Variants in GRAMD1B observed in about 807,000 individuals in gnomAD.
GRAMD1B encodes the protein protein Aster-B.
Under a neutral mutation model 99.7 loss-of-function variants are expected in GRAMD1B, and 37 were observed. That is an observed-to-expected ratio of 0.37 (90% confidence interval 0.29 to 0.49). GRAMD1B has a LOEUF of 0.49. GRAMD1B is among the 20% of genes least tolerant of loss of function. The pLI is 0.98. For synonymous variants in GRAMD1B, 427 were observed against 387.6 expected (o/e 1.10, Z -1.19); for missense variants, 888 against 1,009.2 (o/e 0.88, Z 1.63).
At chr11:123,603,389 G>T in intron 8 of GRAMD1B, 37 bp from the exon 9 acceptor site, 6 of 1,309,196 alleles carry the variant, frequency 4.6e-6, no homozygotes, top group Non-Finnish European at 6.6e-6. Flanking sequence ...GGGGACCTGA[G>T]GGAGCAAGGC....
rs1013744909 is a variant in GRAMD1B, at chr11:123,494,621, CCTT to C, written c.452+13735_452+13737del. Among the ~76,000 whole-genome samples the C allele has an allele frequency of 2.5e-4, 38 of 152,266 alleles. 2 individuals carry two copies. The highest frequency in any genetic ancestry group is 8.9e-4 in the African/African-American group (37 of 41,540). Reference sequence around the variant, plus strand: ...CCTGCTCTGTTTCTCCTACTCTAGCCCTTCTTCTTTGTGCCTGAGAAAGGGGGG... The same window carrying C: ...CCTGCTCTGTTTCTCCTACTCTAGCCCTTCTTTGTGCCTGAGAAAGGGGGG... On this transcript the variant is annotated intron_variant, in intron 2 of 19. Coordinates refer to ENST00000635736, the MANE Select transcript of GRAMD1B (RefSeq NM_001387025.1).
chr11:123,365,875 CT>C (rs964999192), intron 1 of GRAMD1B, among the ~76,000 whole-genome samples: 3 of 151,992 alleles, frequency 2.0e-5, no homozygotes, highest in African/African-American at 4.8e-5. Flanking sequence ...GATCTCCCTC[CT>C]TTTTTTTGTA....
intron 3 of GRAMD1B, among the ~76,000 whole-genome samples, chr11:123,583,063 T>A (rs948744223): frequency 2.0e-5 from 3 of 151,900 alleles, no homozygotes; most frequent in Non-Finnish European, 4.4e-5. Context: ...TGTCTCTGTA[T>A]ATGTGTGTGT....
intron 1 of GRAMD1B, among the ~76,000 whole-genome samples, chr11:123,439,066 G>A (rs1379672846): frequency 6.6e-6 from 1 of 152,216 alleles, no homozygotes; most frequent in Non-Finnish European, 1.5e-5. Flanking sequence ...ATATCAGTGT[G>A]TGACTTGCCA....
chr11:123,424,482 A>G (rs1228527031), intron 1 of GRAMD1B, among the ~76,000 whole-genome samples: 8 of 151,956 alleles, frequency 5.3e-5, no homozygotes, highest in African/African-American at 1.9e-4. Context: ...AAAACAAACA[A>G]CCAACCAAAA....
At chr11:123,483,733 G>C (rs1181350932) in intron 2 of GRAMD1B, among the ~76,000 whole-genome samples, 2 of 152,032 alleles carry the variant, frequency 1.3e-5, no homozygotes, top group Non-Finnish European at 2.9e-5. Context: ...CGCAGATAAG[G>C]GGGGACTGCT....
intron 1 of GRAMD1B, among the ~76,000 whole-genome samples, chr11:123,386,739 A>G (rs1046502103): frequency 1.3e-5 from 2 of 152,180 alleles, no homozygotes; most frequent in Non-Finnish European, 2.9e-5. Flanking sequence ...ATGAGCCACC[A>G]TGCCCAGCCT....
At chr11:123,542,109 A>C (rs1200259585) in intron 2 of GRAMD1B, among the ~76,000 whole-genome samples, 1 of 152,168 alleles carries the variant, frequency 6.6e-6, no homozygotes, top group Non-Finnish European at 1.5e-5. Flanking sequence ...ATTTCCTAGT[A>C]CCTGTCCTTA....
intron 1 of GRAMD1B, among the ~76,000 whole-genome samples, chr11:123,422,212 C>T (rs750926202): frequency 1.8e-4 from 27 of 152,060 alleles, no homozygotes; most frequent in African/African-American, 2.9e-4. Flanking sequence ...AGTTCTGGGG[C>T]GCAGTGCAGC....
chr11:123,457,692 G>A (rs1227450580), intron 1 of GRAMD1B, among the ~76,000 whole-genome samples: 3 of 152,150 alleles, frequency 2.0e-5, no homozygotes, highest in Admixed American at 6.5e-5. Context: ...ACTGTGCTCC[G>A]TGCTCTATTT....
intron 2 of GRAMD1B, among the ~76,000 whole-genome samples, chr11:123,482,669 C>T (rs895857260): frequency 6.6e-6 from 1 of 152,118 alleles, no homozygotes; most frequent in African/African-American, 2.4e-5. Flanking sequence ...ACTAGTATGA[C>T]CATATTTCGT....
intron 2 of GRAMD1B, among the ~76,000 whole-genome samples, chr11:123,491,352 C>T (rs150570769): frequency 2.6e-5 from 4 of 152,200 alleles, no homozygotes; most frequent in Admixed American, 2.0e-4. Context: ...AGTCTGGCTC[C>T]GTCTACCTGC....
chr11:123,541,636 C>A (rs895928237), intron 2 of GRAMD1B, among the ~76,000 whole-genome samples: 1 of 150,396 alleles, frequency 6.6e-6, no homozygotes, highest in African/African-American at 2.5e-5. Context: ...TTTGGTAATA[C>A]ATGTTGCAAG....
At chr11:123,375,297 CCTGTT>C (rs1946655360) in intron 1 of GRAMD1B, among the ~76,000 whole-genome samples, 1 of 152,140 alleles carries the variant, frequency 6.6e-6, no homozygotes. Context: ...GTGGCTCACA[CCTGTT>C]AATCCCAGCT....
chr11:123,375,400 TA>T lies in GRAMD1B; in HGVS notation c.-176+16611del, dbSNP rs879389466. On this transcript the variant is annotated intron_variant, in intron 1 of 20. Transcript: ENST00000638157. Reference sequence around the variant, plus strand: ...ATAGCAACATCTGGTTTCTATTAAATAAAAAAAAAAGAGAGAGAGACAAGCA... The same window carrying T: ...ATAGCAACATCTGGTTTCTATTAAATAAAAAAAAAGAGAGAGAGACAAGCA... Among the ~76,000 whole-genome samples the T allele has an allele frequency of 8.9e-3, 1,306 of 146,974 alleles. 29 individuals carry two copies. The highest frequency in any genetic ancestry group is 0.031 in the African/African-American group (1,238 of 40,202).
intron 2 of GRAMD1B, among the ~76,000 whole-genome samples, chr11:123,494,853 G>C (rs552523102): frequency 6.6e-6 from 1 of 152,122 alleles, no homozygotes; most frequent in Admixed American, 6.6e-5. Context: ...CAGAGAGTCC[G>C]ATCTTAGGCT....
At chr11:123,535,612 G>A (rs889103762) in intron 2 of GRAMD1B, among the ~76,000 whole-genome samples, 4 of 152,176 alleles carry the variant, frequency 2.6e-5, no homozygotes, top group Non-Finnish European at 5.9e-5. Context: ...AGTGAGCCAT[G>A]GTGGATGTCA....
At chr11:123,437,336 A>G (rs7112042) in intron 1 of GRAMD1B, among the ~76,000 whole-genome samples, 2,571 of 152,270 alleles carry the variant, frequency 0.017, 89 homozygotes, top group African/African-American at 0.06. Context: ...CTGAATTGCT[A>G]GGTTCAGAAA....
At chr11:123,442,718 C>G (rs528537314) in intron 1 of GRAMD1B, among the ~76,000 whole-genome samples, 2 of 151,902 alleles carry the variant, frequency 1.3e-5, no homozygotes, top group Non-Finnish European at 2.9e-5. Flanking sequence ...TGCAGTGAGC[C>G]GAGATCGCAC....
Sources: allele counts gnomAD v4.1 joint callset (sites outside exome capture counted in the v4.1 genomes callset), GRCh38; gene constraint gnomAD v4.1.1; transcripts MANE v1.5; gene names NCBI Gene and HGNC (gene_info 2026-07-23, HGNC 2026-07-21).